Variants in NELL1 observed in about 807,000 individuals in gnomAD.
NELL1 encodes the protein protein kinase C-binding protein NELL1.
Under a neutral mutation model 107.4 loss-of-function variants are expected in NELL1, and 76 were observed. The observed-to-expected ratio is 0.71, with a 90% CI of 0.59 to 0.86. The LOEUF is 0.86. Ranked by LOEUF, NELL1 falls within the 40% of genes least tolerant of loss-of-function variation. The pLI is 0.00. For missense variants in NELL1, 1,024 were observed against 1,005.5 expected (o/e 1.02, Z -0.25); for synonymous variants, 353 against 341.2 (o/e 1.03, Z -0.38).
chr11:21,075,229 T>C (rs1161317781), intron 12 of NELL1, among the ~76,000 whole-genome samples: 1 of 152,188 alleles, frequency 6.6e-6, no homozygotes, highest in Non-Finnish European at 1.5e-5. Flanking sequence ...TTAGTACCTT[T>C]TAAATCTGCA....
chr11:20,939,059 A>G (rs142356236), intron 10 of NELL1, among the ~76,000 whole-genome samples: 7 of 152,032 alleles, frequency 4.6e-5, no homozygotes, highest in Non-Finnish European at 7.4e-5. Context: ...GATTAATTTG[A>G]ATAATTGTAA....
At chr11:21,480,558 T>C (rs1347302153) in intron 15 of NELL1, among the ~76,000 whole-genome samples, 1 of 152,200 alleles carries the variant, frequency 6.6e-6, no homozygotes, top group Admixed American at 6.5e-5. Flanking sequence ...AAAAAAATCC[T>C]AGGCAGTAAT....
chr11:21,563,212 C>A (rs1856892175), intron 17 of NELL1, among the ~76,000 whole-genome samples: 1 of 152,078 alleles, frequency 6.6e-6, no homozygotes, highest in Non-Finnish European at 1.5e-5. Context: ...ATCTGTGGCT[C>A]TTCCATTCAT....
intron 13 of NELL1, among the ~76,000 whole-genome samples, chr11:21,196,599 A>G (rs989583424): frequency 6.6e-6 from 1 of 151,916 alleles, no homozygotes; most frequent in Non-Finnish European, 1.5e-5. Flanking sequence ...CTCTCTATCT[A>G]TTTTAGTAAC....
At chr11:21,124,343 C>T (rs770906490) in intron 13 of NELL1, among the ~76,000 whole-genome samples, 17 of 152,038 alleles carry the variant, frequency 1.1e-4, no homozygotes, top group Non-Finnish European at 2.2e-4. Flanking sequence ...TTTTATGACA[C>T]AGATTATAGT....
intron 14 of NELL1, among the ~76,000 whole-genome samples, chr11:21,309,760 A>G (rs1242300229): frequency 1.3e-5 from 2 of 152,004 alleles, no homozygotes; most frequent in Non-Finnish European, 2.9e-5. Context: ...GAGAGCTTGT[A>G]CAGGGAAAGT....
chr11:21,254,530 T>G (rs1321823743), intron 14 of NELL1, among the ~76,000 whole-genome samples: 1 of 151,980 alleles, frequency 6.6e-6, no homozygotes, highest in Non-Finnish European at 1.5e-5. Flanking sequence ...GAAAGGAGAT[T>G]TGAAATTGGA....
At chr11:21,129,120 A>G (rs546164283) in intron 13 of NELL1, among the ~76,000 whole-genome samples, 1 of 152,168 alleles carries the variant, frequency 6.6e-6, no homozygotes, top group South Asian at 2.1e-4. Context: ...TTTTCTCCTT[A>G]AATCTTGTTT....
chr11:21,029,911 G>T (rs1218056852), intron 12 of NELL1, among the ~76,000 whole-genome samples: 1 of 152,120 alleles, frequency 6.6e-6, no homozygotes, highest in African/African-American at 2.4e-5. Context: ...GATGGCAGGC[G>T]CATTATACCT....
At chr11:21,375,242 G>A (rs781061341) in intron 15 of NELL1, among the ~76,000 whole-genome samples, 22 of 151,640 alleles carry the variant, frequency 1.5e-4, no homozygotes, top group African/African-American at 2.9e-4. Context: ...TTCTATCATC[G>A]CCATCTTTAT....
chr11:21,246,254 GA>G (rs1417912850), intron 14 of NELL1, among the ~76,000 whole-genome samples: 1 of 152,174 alleles, frequency 6.6e-6, no homozygotes, highest in African/African-American at 2.4e-5. Context: ...CTGAGGTGCA[GA>G]AAGGATGTCT....
At chr11:21,030,292 A>C (rs1421407428) in intron 12 of NELL1, among the ~76,000 whole-genome samples, 2 of 152,174 alleles carry the variant, frequency 1.3e-5, no homozygotes, top group Non-Finnish European at 2.9e-5. Flanking sequence ...TGTCACATTG[A>C]GAAGATATGA....
At chr11:21,556,159 C>G (rs1196939203) in intron 16 of NELL1, among the ~76,000 whole-genome samples, 2 of 151,958 alleles carry the variant, frequency 1.3e-5, no homozygotes, top group Admixed American at 1.3e-4. Context: ...GACTGTCTGT[C>G]ATTAATGAAC....
intron 14 of NELL1, among the ~76,000 whole-genome samples, chr11:21,309,837 G>A (rs11026014): frequency 0.24 from 35,941 of 151,918 alleles, 5,286 homozygotes; most frequent in Middle Eastern, 0.38. Flanking sequence ...CAGGAAAGAC[G>A]CACCCCATTA....
chr11:21,064,545 G>A (rs918554548), intron 12 of NELL1, among the ~76,000 whole-genome samples: 5 of 152,104 alleles, frequency 3.3e-5, no homozygotes, highest in Admixed American at 1.3e-4. Flanking sequence ...TCTAGGCTAT[G>A]GTAAAAAGTT....
At chr11:20,928,169 A>G (rs1203724336) in intron 8 of NELL1, among the ~76,000 whole-genome samples, 1 of 152,190 alleles carries the variant, frequency 6.6e-6, no homozygotes, top group Non-Finnish European at 1.5e-5. Flanking sequence ...GGATGAAACC[A>G]GTGATGTATT....
chr11:20,701,727 G>C (rs1485978692), intron 2 of NELL1, among the ~76,000 whole-genome samples: 1 of 152,064 alleles, frequency 6.6e-6, no homozygotes, highest in Non-Finnish European at 1.5e-5. Flanking sequence ...TTCTACATAT[G>C]GCTAGCCAGT....
At chr11:21,507,563 C>T (rs1156407159) in intron 15 of NELL1, among the ~76,000 whole-genome samples, 5 of 152,072 alleles carry the variant, frequency 3.3e-5, no homozygotes, top group African/African-American at 1.2e-4. Flanking sequence ...ATAGAGCTTA[C>T]ATTGCTTTTT....
At chr11:21,168,005 C>T (rs1438127464) in intron 13 of NELL1, among the ~76,000 whole-genome samples, 1 of 151,672 alleles carries the variant, frequency 6.6e-6, no homozygotes, top group Non-Finnish European at 1.5e-5. Context: ...TTGACTTGCA[C>T]ATTTATTTAT....
Sources: gnomAD v4.1 joint callset for allele counts (sites outside exome capture counted in the v4.1 genomes callset) on GRCh38, gnomAD v4.1.1 for gene constraint, MANE v1.5 for transcripts, NCBI Gene and HGNC (gene_info 2026-07-23, HGNC 2026-07-21) for gene names.